Variants in WAC observed in about 807,000 individuals in gnomAD.
WAC encodes the protein WW domain containing adaptor with coiled-coil.
WAC carries 11 observed loss-of-function variants against 79.6 expected under a neutral mutation model. The observed-to-expected ratio is 0.14, with a 90% CI of 0.09 to 0.23. The LOEUF is 0.23. Ranked by LOEUF, WAC falls within the 10% of genes least tolerant of loss-of-function variation. WAC has a pLI of 1.00. For missense variants in WAC, 728 were observed against 773.5 expected (o/e 0.94, Z 0.70); for synonymous variants, 304 against 276.9 (o/e 1.10, Z -0.97).
intron 3 of WAC, among the ~76,000 whole-genome samples, chr10:28,576,985 A>G (rs1202761888): frequency 6.6e-6 from 1 of 152,166 alleles, no homozygotes; most frequent in African/African-American, 2.4e-5. Flanking sequence ...CCCAATTCCT[A>G]CTAGCTGTGT....
intron 4 of WAC, 48 bp downstream of exon 4, chr10:28,583,553 A>T: frequency 7.1e-6 from 2 of 282,000 alleles, no homozygotes; most frequent in Non-Finnish European, 9.3e-6. Flanking sequence ...AATTTTTTGC[A>T]AAAAAAAAAA....
At chr10:28,560,808 G>A (rs1013990643) in intron 3 of WAC, among the ~76,000 whole-genome samples, 8 of 152,150 alleles carry the variant, frequency 5.3e-5, no homozygotes, top group Non-Finnish European at 1.0e-4. Flanking sequence ...GGAAGTGAAG[G>A]GGTGTTGCCA....
At position 28,619,876 on chromosome 10, in the gene WAC, C is replaced by T. The variant is rs1487990210; in HGVS notation, c.*270C>T. On this transcript the variant is annotated 3_prime_UTR_variant, in exon 14 of 14. Coordinates refer to ENST00000354911, the MANE Select transcript of WAC (RefSeq NM_016628.5). The stretch of plus-strand genomic sequence containing the variant: ...CCATGGGAAGCCATGTGTAACAGAG[C>T]TTAGACATCCAAAACTAATCAATGC... 1 of 265,782 alleles carries T rather than the reference C, an allele frequency of 3.8e-6. No homozygotes were observed. The highest frequency in any genetic ancestry group is 2.2e-5 in the African/African-American group (1 of 44,800). The allele number at this position is 265,782 out of a possible 1,614,324, so 16.5% of individuals were successfully genotyped here. A position where few individuals can be genotyped will look rare whatever the true frequency, so the allele number is the denominator to read the frequency against.
At chr10:28,601,034 A>G (rs1840618349) in intron 7 of WAC, among the ~76,000 whole-genome samples, 1 of 152,066 alleles carries the variant, frequency 6.6e-6, no homozygotes, top group Non-Finnish European at 1.5e-5. Context: ...GTTGGCCATG[A>G]TTTCTTGAAA....
At chr10:28,599,123 A>T (rs1196029372) in intron 7 of WAC, among the ~76,000 whole-genome samples, 1 of 152,190 alleles carries the variant, frequency 6.6e-6, no homozygotes, top group Non-Finnish European at 1.5e-5. Flanking sequence ...TGTTATTTAA[A>T]TTAAGCTTTC....
rs1334829570 is a variant in WAC, at chr10:28,610,733, G to A, written c.1200G>A (p.Gln400=). 1 of 1,611,778 alleles carries A rather than the reference G, an allele frequency of 6.2e-7. No homozygotes were observed. Among genetic ancestry groups the A allele is most frequent in the African/African-American group, 1.3e-5 (1 of 74,822 alleles). Residue 400 remains glutamine, a synonymous_variant, in exon 9 of 14, where the codon CAG becomes CAA. Transcript: ENST00000354911. ...CAGCTGTGACACAAGCCTCACTGCA[G>A]TCTATAATTCATAAGTTTCTTACTG... The part of the protein sequence containing the change: ...LTAAVTQASL[Q]SIIHKFLTAG...
chr10:28,568,766 G>T (rs1664712667), intron 3 of WAC, among the ~76,000 whole-genome samples: 1 of 152,036 alleles, frequency 6.6e-6, no homozygotes, highest in South Asian at 2.1e-4. Flanking sequence ...CAGAGACGGG[G>T]TTTCACTATG....
At chr10:28,613,271 G>T (rs1320313553) in intron 10 of WAC, among the ~76,000 whole-genome samples, 1 of 152,200 alleles carries the variant, frequency 6.6e-6, no homozygotes, top group African/African-American at 2.4e-5. Context: ...GGCGGCTGAG[G>T]CATGAGAATC....
Position 28,619,563 on chromosome 10 carries a change from A to G in WAC, c.1901A>G (p.Lys634Arg), listed in dbSNP as rs775533098. ...ATACTATTTTTGAGACAACAAATTA[A>G]GGAACTTGAAAAGCTAAAAAATCAG... ...QRILFLRQQI[K>R]ELEKLKNQNS... Residue 634 changes from lysine to arginine, a missense_variant, in exon 14 of 14, where the codon AAG becomes AGG. Coordinates refer to ENST00000354911, the MANE Select transcript of WAC (RefSeq NM_016628.5). 1.3e-6 allele frequency: 2 copies of G among 1,587,986 alleles called. No individual in the cohort carries two copies. Among genetic ancestry groups the G allele is most frequent in the Non-Finnish European group, 1.7e-6 (2 of 1,173,236 alleles).
chr10:28,548,789 G>C (rs531524765), intron 3 of WAC, among the ~76,000 whole-genome samples: 1 of 152,256 alleles, frequency 6.6e-6, no homozygotes, highest in East Asian at 1.9e-4. Context: ...GAAAATGTTT[G>C]CTGTCTGAGC....
At chr10:28,557,020 G>T (rs986908964) in intron 3 of WAC, among the ~76,000 whole-genome samples, 4 of 150,726 alleles carry the variant, frequency 2.7e-5, no homozygotes, top group African/African-American at 9.7e-5. Context: ...TTCTCAAAAT[G>T]CTTAGCTATT....
chr10:28,578,201 AATCTCTG>A (rs1264227901), intron 3 of WAC, among the ~76,000 whole-genome samples: 1 of 150,594 alleles, frequency 6.6e-6, no homozygotes, highest in Non-Finnish European at 1.5e-5. Flanking sequence ...TGTGAATTAG[AATCTCTG>A]AGAAAGACAA....
At chr10:28,598,752 C>G (rs1204693672) in intron 7 of WAC, among the ~76,000 whole-genome samples, 1 of 152,208 alleles carries the variant, frequency 6.6e-6, no homozygotes, top group African/African-American at 2.4e-5. Context: ...ACATCTATGT[C>G]AGTTCGGACG....
At chr10:28,609,070 AC>A (rs1841096592) in intron 8 of WAC, among the ~76,000 whole-genome samples, 1 of 152,252 alleles carries the variant, frequency 6.6e-6, no homozygotes, top group Non-Finnish European at 1.5e-5. Context: ...TCAGATTCAC[AC>A]GTTAATTCCT....
At chr10:28,560,316 A>T (rs1356043491) in intron 3 of WAC, among the ~76,000 whole-genome samples, 1 of 152,156 alleles carries the variant, frequency 6.6e-6, no homozygotes, top group African/African-American at 2.4e-5. Context: ...AGCCGTCCTG[A>T]TGCCACTGTA....
At chr10:28,601,035 T>A (rs1374336677) in intron 7 of WAC, among the ~76,000 whole-genome samples, 1 of 151,858 alleles carries the variant, frequency 6.6e-6, no homozygotes, top group Non-Finnish European at 1.5e-5. Flanking sequence ...TTGGCCATGA[T>A]TTCTTGAAAT....
chr10:28,608,117 G>T (rs1438328347), intron 7 of WAC, 69 bp from the exon 8 acceptor site: 2 of 1,576,566 alleles, frequency 1.3e-6, no homozygotes, highest in African/African-American at 1.3e-5. Flanking sequence ...CATGAGAGGT[G>T]TTCCTTTGAT....
chr10:28,590,525 A>G (rs1840032040), intron 5 of WAC, among the ~76,000 whole-genome samples, 195 bp from the exon 6 acceptor site: 2 of 152,118 alleles, frequency 1.3e-5, no homozygotes, highest in South Asian at 4.1e-4. Context: ...AACAATTGGT[A>G]TAATTTTGCC....
At chr10:28,543,267 T>C (rs960111208) in intron 3 of WAC, among the ~76,000 whole-genome samples, 12 of 152,354 alleles carry the variant, frequency 7.9e-5, no homozygotes, top group African/African-American at 2.9e-4. Context: ...GCAAACCATA[T>C]GTGTACTTTT....
Sources: gnomAD v4.1 joint callset for allele counts (sites outside exome capture counted in the v4.1 genomes callset) on GRCh38, gnomAD v4.1.1 for gene constraint, MANE v1.5 for transcripts, NCBI Gene and HGNC (gene_info 2026-07-23, HGNC 2026-07-21) for gene names.